The following SV2B variants were observed in gnomAD, a reference collection of about 807,000 sequenced individuals.
SV2B encodes the protein synaptic vesicle glycoprotein 2B.
In SV2B, 41 loss-of-function variants were observed where a neutral mutation model predicts 73.9. That is an observed-to-expected ratio of 0.56 (90% CI 0.43 to 0.72). The LOEUF is 0.72. Among genes scored for constraint, SV2B ranks in the 30% least tolerant of loss-of-function variants. SV2B has a pLI of 0.00. For synonymous variants in SV2B, 314 were observed against 314.2 expected (o/e 1.00, Z 0.01); for missense variants, 764 against 857.8 (o/e 0.89, Z 1.37).
chr15:91,241,503 G>A lies in SV2B; in HGVS notation c.452-10316G>A, dbSNP rs1469069829. ...TCATCCCTTCACACTCTCCTTGATG[G>A]TTATTTTGTGTCTTATCCACTATTT... On this transcript the variant is annotated intron_variant, in intron 2 of 12. Transcript: ENST00000394232. This position sits in a 1 kb window ranked among gnomAD's most constrained non-coding sequence, Gnocchi z 4.8. Among the ~76,000 whole-genome samples the A allele has an allele frequency of 6.6e-6, 1 of 152,064 alleles. No individual in the cohort carries two copies. Among genetic ancestry groups the A allele is most frequent in the Non-Finnish European group, 1.5e-5 (1 of 68,020 alleles).
rs938660573 is a variant in SV2B at position 91,301,065 on chromosome 15, C to G, written c.*8513C>G. On this transcript the variant is annotated 3_prime_UTR_variant, in exon 13 of 13. Coordinates refer to ENST00000394232, the MANE Select transcript of SV2B (RefSeq NM_001323032.3). The surrounding 1 kb of genome is among the most constrained non-coding windows in gnomAD (Gnocchi z 4.3). ...GTTTCCCAGTCCCATGTCACATTGACCAGTCCTGTGGTCCTATGGCTAAGC... is the reference window on the plus strand; with the variant it reads ...GTTTCCCAGTCCCATGTCACATTGAGCAGTCCTGTGGTCCTATGGCTAAGC... 3 of 152,152 alleles carry G rather than the reference C, an allele frequency of 2.0e-5. No homozygotes were observed. Among genetic ancestry groups the G allele is most frequent in the Admixed American group, 6.5e-5 (1 of 15,278 alleles). The allele number at this position is 152,152 out of a possible 1,614,324, so 9.4% of individuals were successfully genotyped here. A position where few individuals can be genotyped will look rare whatever the true frequency, so the allele number is the denominator to read the frequency against.
intron 1 of SV2B, among the ~76,000 whole-genome samples, chr15:91,169,187 C>T (rs1317533347): frequency 6.6e-6 from 1 of 152,150 alleles, no homozygotes; most frequent in Non-Finnish European, 1.5e-5. Flanking sequence ...TGCGTGGTTA[C>T]TACGCTCCAG....
At chr15:91,166,230 G>A (rs1302272970) in intron 1 of SV2B, among the ~76,000 whole-genome samples, 2 of 152,086 alleles carry the variant, frequency 1.3e-5, no homozygotes, top group Non-Finnish European at 2.9e-5. Flanking sequence ...CACTCCCAAT[G>A]TGAGAAAAAT....
intron 9 of SV2B, among the ~76,000 whole-genome samples, chr15:91,269,455 C>T (rs1018972800): frequency 7.2e-5 from 11 of 152,286 alleles, no homozygotes; most frequent in African/African-American, 2.6e-4. Flanking sequence ...AATACCATGG[C>T]CCAGATAGTT....
chr15:91,131,039 G>C (rs1038520823), intron 1 of SV2B, among the ~76,000 whole-genome samples: 2 of 151,782 alleles, frequency 1.3e-5, no homozygotes, highest in Admixed American at 6.6e-5. Context: ...GGAGAAGGGA[G>C]TGGGTGAAGT....
intron 1 of SV2B, among the ~76,000 whole-genome samples, chr15:91,218,577 TTATA>T (rs2046111908): frequency 6.6e-6 from 1 of 152,208 alleles, no homozygotes; most frequent in Non-Finnish European, 1.5e-5. Flanking sequence ...TTCTCTTTCT[TTATA>T]TAAAATAGAA....
At chr15:91,125,227 G>T (rs904644350) in intron 1 of SV2B, among the ~76,000 whole-genome samples, 1 of 152,088 alleles carries the variant, frequency 6.6e-6, no homozygotes, top group South Asian at 2.1e-4. Context: ...ATCCAAATAC[G>T]GTCACATTCT....
chr15:91,219,774 A>G (rs2046155933), intron 1 of SV2B, among the ~76,000 whole-genome samples: 1 of 152,122 alleles, frequency 6.6e-6, no homozygotes, highest in Admixed American at 6.5e-5. Context: ...CCTCAAGTTT[A>G]CTTACAATCA....
intron 9 of SV2B, among the ~76,000 whole-genome samples, chr15:91,271,924 G>T (rs1056464673): frequency 6.6e-6 from 1 of 152,128 alleles, no homozygotes; most frequent in South Asian, 2.1e-4. Context: ...TTAAGGTTTC[G>T]ATGGAAATTA....
intron 1 of SV2B, among the ~76,000 whole-genome samples, chr15:91,218,813 A>C (rs115253594): frequency 1.3e-5 from 2 of 152,328 alleles, no homozygotes; most frequent in African/African-American, 4.8e-5. Context: ...CTCCTGCTAA[A>C]GGGACCACCA....
intron 9 of SV2B, among the ~76,000 whole-genome samples, chr15:91,272,191 G>A (rs1225658885): frequency 6.6e-6 from 1 of 152,154 alleles, no homozygotes; most frequent in East Asian, 1.9e-4. Context: ...CAAAACCTGT[G>A]AGTTTTTGGA....
At chr15:91,233,453 C>T (rs377373730) in intron 2 of SV2B, among the ~76,000 whole-genome samples, 3 of 152,174 alleles carry the variant, frequency 2.0e-5, no homozygotes, top group Admixed American at 6.5e-5. Context: ...GAAAGAGATC[C>T]TTATCTCCTG....
chr15:91,263,592 A>G (rs2048001683), intron 6 of SV2B, among the ~76,000 whole-genome samples: 1 of 151,618 alleles, frequency 6.6e-6, no homozygotes, highest in Admixed American at 6.6e-5. Flanking sequence ...ACAGACACAT[A>G]TTAAGGCAGA....
chr15:91,206,167 A>G (rs2045630319), intron 1 of SV2B, among the ~76,000 whole-genome samples: 1 of 146,288 alleles, frequency 6.8e-6, no homozygotes, highest in Non-Finnish European at 1.5e-5. Context: ...CCTTCTGAGT[A>G]GCTGGGACTA....
Position 91,253,189 on chromosome 15 carries a change from G to A in SV2B, c.784+669G>A, listed in dbSNP as rs955280686. On this transcript the variant is annotated intron_variant, in intron 4 of 12. Transcript: ENST00000394232. The surrounding 1 kb of genome is among the most constrained non-coding windows in gnomAD (Gnocchi z 5.0). ...TCGTCAAGAGCAAAGTAGGGAGAAG[G>A]CAGCAATTTTGACTTTGATTCTGCT... Among the ~76,000 whole-genome samples, 3 of 152,162 alleles carry A rather than the reference G, an allele frequency of 2.0e-5. No individual in the cohort carries two copies. The highest frequency in any genetic ancestry group is 4.4e-5 in the Non-Finnish European group (3 of 68,028).
intron 9 of SV2B, among the ~76,000 whole-genome samples, chr15:91,277,781 A>G (rs113666787): frequency 0.014 from 2,093 of 152,274 alleles, 53 homozygotes; most frequent in African/African-American, 0.048. Context: ...TTCTAACTAT[A>G]TTTATATATG....
intron 7 of SV2B, chr15:91,266,895 A>G: frequency 2.3e-6 from 1 of 429,440 alleles, no homozygotes. Context: ...AACTCTCTAA[A>G]TCTTAGTTTC....
intron 1 of SV2B, among the ~76,000 whole-genome samples, chr15:91,184,490 A>G (rs114825672): frequency 1.3e-5 from 2 of 152,156 alleles, no homozygotes; most frequent in Non-Finnish European, 2.9e-5. Context: ...GCTTTGGTTA[A>G]TGCGCTCTAA....
At chr15:91,161,537 A>G (rs1022046288) in intron 1 of SV2B, among the ~76,000 whole-genome samples, 3 of 152,202 alleles carry the variant, frequency 2.0e-5, no homozygotes, top group Non-Finnish European at 4.4e-5. Context: ...TGCTGCTTAC[A>G]ATGTATTAGG....
Sources: allele counts gnomAD v4.1 joint callset (sites outside exome capture counted in the v4.1 genomes callset), GRCh38; gene constraint gnomAD v4.1.1; non-coding constraint Gnocchi (gnomAD v3.1); transcripts MANE v1.5; gene names NCBI Gene and HGNC (gene_info 2026-07-23, HGNC 2026-07-21).